Variants in GRIA3 observed in about 807,000 individuals in gnomAD.
GRIA3 encodes glutamate receptor 3.
Under a neutral mutation model 63.0 loss-of-function variants are expected in GRIA3, and 3 were observed. That is an observed-to-expected ratio of 0.05 (90% CI 0.02 to 0.12). The LOEUF is 0.12. Among genes scored for constraint, GRIA3 ranks in the 10% least tolerant of loss-of-function variants. The probability of loss-of-function intolerance (pLI) is 1.00; values close to 1 mark genes in which losing one functional copy is unlikely to be tolerated. For synonymous variants in GRIA3, 274 were observed against 257.9 expected, an observed-to-expected ratio of 1.06 and a Z score of -0.60; for missense variants, 347 against 700.9, an observed-to-expected ratio of 0.50 and a Z score of 5.70.
At chrX:123,299,345 T>C (rs758012729) in intron 3 of GRIA3, among the ~76,000 whole-genome samples, 1 of 112,019 alleles carries the variant, frequency 8.9e-6, no homozygotes, top group East Asian at 2.8e-4. Flanking sequence ...CGATATTGAT[T>C]CTTCCTATCC....
chrX:123,275,619 A>G (rs1384337389), intron 3 of GRIA3, among the ~76,000 whole-genome samples: 1 of 112,306 alleles, frequency 8.9e-6, no homozygotes, highest in African/African-American at 3.2e-5. Context: ...TTCTAATTAA[A>G]TGAACTAACC....
intron 13 of GRIA3, among the ~76,000 whole-genome samples, chrX:123,478,307 T>A (rs1022793560): frequency 8.9e-6 from 1 of 112,059 alleles, no homozygotes; most frequent in East Asian, 2.8e-4. Flanking sequence ...AAGTTTTATT[T>A]GAGTATATTT....
intron 5 of GRIA3, among the ~76,000 whole-genome samples, chrX:123,374,347 T>G (rs886323990): frequency 1.8e-5 from 2 of 112,074 alleles, no homozygotes; most frequent in Non-Finnish European, 3.8e-5. Flanking sequence ...AGGCTCTTTT[T>G]TGGTTCCATA....
At chrX:123,230,144 C>T (rs2044268659) in intron 2 of GRIA3, among the ~76,000 whole-genome samples, 1 of 111,943 alleles carries the variant, frequency 8.9e-6, no homozygotes, top group Admixed American at 9.4e-5. Context: ...GGAGTAGTTC[C>T]AGATGGTTTT....
At chrX:123,331,486 T>C (rs1027403090) in intron 4 of GRIA3, among the ~76,000 whole-genome samples, 1 of 111,646 alleles carries the variant, frequency 9.0e-6, no homozygotes, top group Non-Finnish European at 1.9e-5. Context: ...TTGTGGTCAC[T>C]AGAGCACTGT....
chrX:123,273,906 C>T (rs1797796472), intron 3 of GRIA3, among the ~76,000 whole-genome samples: 1 of 112,082 alleles, frequency 8.9e-6, no homozygotes, highest in African/African-American at 3.2e-5. Flanking sequence ...GCTCAATATG[C>T]AACCTCTCTT....
Position 123,286,690 on chromosome X carries a change from C to A in GRIA3, c.508+33148C>A, listed in dbSNP as rs181146996. ...TGAAATGGATAAATTCCTGGACACA[C>A]ACACCCTTCCAAGACTAAACCAGGA... On this transcript the variant is annotated intron_variant, in intron 3 of 15. Transcript: ENST00000620443. Among the ~76,000 whole-genome samples the A allele has an allele frequency of 4.3e-3, 481 of 111,384 alleles. 2 individuals are homozygous for A. Among genetic ancestry groups the A allele is most frequent in the African/African-American group, 0.014 (425 of 30,693 alleles).
At chrX:123,213,506 A>C (rs1928089329) in intron 2 of GRIA3, among the ~76,000 whole-genome samples, 1 of 112,185 alleles carries the variant, frequency 8.9e-6, no homozygotes, top group African/African-American at 3.2e-5. Context: ...CTGGGATGTT[A>C]ATCTAGATAG....
At chrX:123,260,475 GGA>G (rs2044450103) in intron 3 of GRIA3, among the ~76,000 whole-genome samples, 1 of 6,607 alleles carries the variant, frequency 1.5e-4, no homozygotes, top group African/African-American at 4.1e-4. Flanking sequence ...GAAGAAGAAA[GGA>G]AAGAAAGAAA....
At chrX:123,272,891 A>T (rs1435273195) in intron 3 of GRIA3, among the ~76,000 whole-genome samples, 1 of 111,724 alleles carries the variant, frequency 9.0e-6, no homozygotes, top group African/African-American at 3.3e-5. Context: ...TATCCTGGGC[A>T]CACAGAGGGA....
chrX:123,201,720 A>G (rs150568668), intron 2 of GRIA3, among the ~76,000 whole-genome samples: 25 of 111,816 alleles, frequency 2.2e-4, no homozygotes, highest in Non-Finnish European at 3.2e-4. Context: ...GTAGTAAAGA[A>G]AAAAATACAG....
intron 5 of GRIA3, among the ~76,000 whole-genome samples, chrX:123,376,992 T>C (rs927289905): frequency 2.0e-5 from 2 of 97,764 alleles, no homozygotes; most frequent in African/African-American, 7.4e-5. Flanking sequence ...TGGAGTGCAA[T>C]GGCGCTATCT....
At chrX:123,326,322 A>T in intron 4 of GRIA3, 109 bp downstream of exon 4, 1 of 552,435 alleles carries the variant, frequency 1.8e-6, no homozygotes, top group East Asian at 4.3e-5. Flanking sequence ...ACGTGCCAAC[A>T]GTTTTTGATA....
intron 3 of GRIA3, among the ~76,000 whole-genome samples, chrX:123,322,000 T>C (rs751418177): frequency 1.8e-5 from 2 of 111,383 alleles, no homozygotes; most frequent in East Asian, 5.6e-4. Flanking sequence ...GGATGCAGGA[T>C]ACCCCAGGAA....
chrX:123,240,825 T>A (rs2044325668), intron 2 of GRIA3, among the ~76,000 whole-genome samples: 2 of 111,529 alleles, frequency 1.8e-5, no homozygotes, highest in Non-Finnish European at 3.8e-5. Context: ...TTTTTTTACT[T>A]CCTTTTCATA....
rs141307865 is a variant in GRIA3 at position 123,485,286 on chromosome X, A to G, written c.*2+2240A>G. ...GGCCTCCAAATAAATAATACACCTGAAATTTGTGTAGCAGTCATCCAAGTG... is the reference window on the plus strand; with the variant it reads ...GGCCTCCAAATAAATAATACACCTGGAATTTGTGTAGCAGTCATCCAAGTG... On this transcript the variant is annotated intron_variant, in intron 15 of 15. Transcript: ENST00000620443. Among the ~76,000 whole-genome samples, 329 of 111,987 alleles carry G rather than the reference A, an allele frequency of 2.9e-3. 5 individuals carry two copies. The highest frequency in any genetic ancestry group is 0.01 in the African/African-American group (317 of 30,801).
At chrX:123,255,876 A>G (rs1401560294) in intron 3 of GRIA3, among the ~76,000 whole-genome samples, 1 of 110,934 alleles carries the variant, frequency 9.0e-6, no homozygotes, top group Non-Finnish European at 1.9e-5. Context: ...ACATTACTGT[A>G]CTAGGATCCT....
chrX:123,228,797 G>C (rs2044261710), intron 2 of GRIA3, among the ~76,000 whole-genome samples: 1 of 111,659 alleles, frequency 9.0e-6, no homozygotes, highest in Non-Finnish European at 1.9e-5. Context: ...AGTAGGGTTG[G>C]AGAAGGTGGG....
chrX:123,288,209 C>T (rs12687750), intron 3 of GRIA3, among the ~76,000 whole-genome samples: 7,151 of 111,364 alleles, frequency 0.064, 273 homozygotes, highest in East Asian at 0.32. Flanking sequence ...AACTGGCTAG[C>T]ATTATGCAGA....
Sources: allele counts gnomAD v4.1 joint callset (sites outside exome capture counted in the v4.1 genomes callset), GRCh38; gene constraint gnomAD v4.1.1; transcripts MANE v1.5; gene names NCBI Gene and HGNC (gene_info 2026-07-23, HGNC 2026-07-21).